AAAS: variants seen among roughly 807,000 people sequenced by gnomAD.
AAAS encodes the protein aladin WD repeat nucleoporin, also known as aladin.
Under a neutral mutation model 75.6 loss-of-function variants are expected in AAAS, and 60 were observed. That is an observed-to-expected ratio of 0.79 (90% confidence interval 0.64 to 0.98). The LOEUF (loss-of-function observed/expected upper bound fraction) is 0.98, where lower values mean the gene tolerates loss of function less well. Among genes scored for constraint, AAAS ranks in the 50% least tolerant of loss-of-function variants. The probability of loss-of-function intolerance (pLI) is 0.00; values close to 1 mark genes in which losing one functional copy is unlikely to be tolerated. For missense variants in AAAS, 658 were observed against 686.9 expected (o/e 0.96, Z 0.47); for synonymous variants, 271 against 265.0 (o/e 1.02, Z -0.22).
chr12:53,309,465 G>A, intron 8 of AAAS, 136 bp downstream of exon 8: 1 of 1,541,260 alleles, frequency 6.5e-7, no homozygotes. Flanking sequence ...GAGTCTGATG[G>A]CAAAGCTCCT....
Position 53,314,431 on chromosome 12 carries a change from G to A in AAAS, c.556C>T (p.Pro186Ser), listed in dbSNP as rs748222885. The A allele has an allele frequency of 1.2e-6, 2 of 1,614,078 alleles. No individual in the cohort carries two copies. Among genetic ancestry groups the A allele is most frequent in the Non-Finnish European group, 8.5e-7 (1 of 1,180,042 alleles). Residue 186 changes from proline (P) to serine (S), a missense_variant, in exon 7 of 16, where the codon CCC becomes TCC. Coordinates refer to ENST00000209873, the MANE Select transcript of AAAS (RefSeq NM_015665.6). ...RVYNASSTIV[P>S]SLKHRLQRNV... ...CGCTGCAGCCGGTGCTTCAGGGAGG[G>A]GACTATGGTGCTAGGGTGAAGGGGC...
At chr12:53,308,651 T>C in intron 11 of AAAS, 74 bp downstream of exon 11, 2 of 1,600,364 alleles carry the variant, frequency 1.2e-6, no homozygotes, top group Non-Finnish European at 1.7e-6. Flanking sequence ...CCTTTATCCC[T>C]CAGAGCTGCA....
Position 53,314,434 on chromosome 12 carries a change from C to A in AAAS, c.553G>T (p.Val185Phe), listed in dbSNP as rs1239921789. Residue 185 changes from valine (V) to phenylalanine (F), a missense_variant, in exon 7 of 16, where the codon GTC becomes TTC. Coordinates refer to ENST00000209873, the MANE Select transcript of AAAS (RefSeq NM_015665.6). ...TGCAGCCGGTGCTTCAGGGAGGGGA[C>A]TATGGTGCTAGGGTGAAGGGGCAGG... ...VRVYNASSTI[V>F]PSLKHRLQRN... The A allele has an allele frequency of 6.2e-7, 1 of 1,614,016 alleles. No individual in the cohort carries two copies. The highest frequency in any genetic ancestry group is 1.7e-5 in the Admixed American group (1 of 60,006).
intron 6 of AAAS, 91 bp downstream of exon 6, chr12:53,314,660 G>A (rs1944437344): frequency 1.4e-6 from 2 of 1,421,816 alleles, no homozygotes; most frequent in African/African-American, 1.4e-5. Flanking sequence ...CCATGAATCA[G>A]GTTCAAGAAC....
chr12:53,309,225 C>T lies in AAAS; in HGVS notation c.867G>A (p.Gly289=). The T allele has an allele frequency of 1.2e-6, 2 of 1,614,100 alleles. No individual in the cohort carries two copies. Among genetic ancestry groups the T allele is most frequent in the Non-Finnish European group, 1.7e-6 (2 of 1,180,008 alleles). The change falls in exon 9 of 16, where the codon GGG becomes GGA. Residue 289 remains glycine (G), a synonymous_variant. Coordinates refer to ENST00000209873, the MANE Select transcript of AAAS (RefSeq NM_015665.6). ...CVPLPWFRGG[G]VTNLLWSPDG... Reference sequence around the variant, plus strand: ...CTGGGGACCAGAGCAGGTTGGTCACCCCACCTCCTCGGAACCAGGGAAGGG... The same window carrying T: ...CTGGGGACCAGAGCAGGTTGGTCACTCCACCTCCTCGGAACCAGGGAAGGG...
At position 53,307,534 on chromosome 12, in the gene AAAS, T is replaced by C. The variant is rs1944304221; in HGVS notation, c.1596A>G (p.Pro532=). 6.2e-7 allele frequency: 1 copy of C among 1,614,120 alleles called. No individual in the cohort carries two copies. Among genetic ancestry groups the C allele is most frequent in the Non-Finnish European group, 8.5e-7 (1 of 1,179,978 alleles). The change falls in exon 16 of 16, where the codon CCA becomes CCG. Residue 532 remains proline (P), a synonymous_variant. Transcript: ENST00000209873. ...AGTGGGGCAGAACAGGTGGTGGCCC[T>C]GGGAGAGGGTCCCAAGGGGCAGAGG... is the stretch of plus-strand genomic sequence containing the variant. ...SPTSAPWDPL[P]GPPPVLPHSP... is the part of the protein sequence containing the mutation.
intron 2 of AAAS, 32 bp downstream of exon 2, chr12:53,320,521 GGATCTGCAGACT>G: frequency 6.2e-7 from 1 of 1,612,366 alleles, no homozygotes; most frequent in Non-Finnish European, 8.5e-7. Context: ...TCATTTTCCA[GGATCTGCAGACT>G]GTGACCCAGG....
chr12:53,320,687 G>A lies in AAAS; in HGVS notation c.129C>T (p.Ile43=), dbSNP rs200044280. 6.2e-7 allele frequency: 1 copy of A among 1,614,086 alleles called. No individual in the cohort carries two copies. Among genetic ancestry groups the A allele is most frequent in the Non-Finnish European group, 8.5e-7 (1 of 1,179,988 alleles). ...SPPPDFRGQW[I]NLPVLQLTKD... is the part of the protein sequence containing the mutation. ...TTGTCAGTTGTAGGACAGGAAGATT[G>A]ATCCACTATAGCACAAAAGTGAGGA... Residue 43 remains isoleucine, a synonymous_variant, in exon 2 of 16, where the codon ATC becomes ATT. Transcript: ENST00000209873.
Position 53,308,516 on chromosome 12 carries a change from C to A in AAAS, c.1100G>T (p.Gly367Val), listed in dbSNP as rs773339814. 3 of 1,614,170 alleles carry A rather than the reference C, an allele frequency of 1.9e-6. No individual in the cohort carries two copies. The highest frequency in any genetic ancestry group is 2.2e-5 in the South Asian group (2 of 91,076). Residue 367 changes from glycine (G) to valine (V), a missense_variant, in exon 12 of 16, where the codon GGG becomes GTG. By Grantham distance (109) the Gly-to-Val change is moderately radical (BLOSUM62 -3). Coordinates refer to ENST00000209873, the MANE Select transcript of AAAS (RefSeq NM_015665.6). ...TGCTGACTTTGCACCTCCAACGCAC[C>A]CCTTTCCCTCACCTGTGGACAAATA... Reference protein sequence around the residue: ...SFPERCGEGKGCVGGAKSATI... With the variant: ...SFPERCGEGKVCVGGAKSATI...
In AAAS at chr12:53,307,929, A is replaced by G; in HGVS notation, c.1332T>C (p.Cys444=). ...RNSPVFELLP[C]GIIQGEPGAQ... ...CTCCTGGCTCCCCCTGGATAATGCCACTAGAAGAAAAGGTGAGCAGGCAAC... is the reference window on the plus strand; with the variant it reads ...CTCCTGGCTCCCCCTGGATAATGCCGCTAGAAGAAAAGGTGAGCAGGCAAC... The change falls in exon 15 of 16, where the codon TGT becomes TGC. Residue 444 remains cysteine, a splice_region_variant and synonymous_variant. Coordinates refer to ENST00000209873, the MANE Select transcript of AAAS (RefSeq NM_015665.6). 1 of 1,614,198 alleles carries G rather than the reference A, an allele frequency of 6.2e-7. No homozygotes were observed. The highest frequency in any genetic ancestry group is 8.5e-7 in the Non-Finnish European group (1 of 1,180,030).
At chr12:53,307,800 T>C in intron 15 of AAAS, 45 bp downstream of exon 15, 2 of 1,613,118 alleles carry the variant, frequency 1.2e-6, no homozygotes, top group Non-Finnish European at 1.7e-6. Flanking sequence ...GGCCCTCAGC[T>C]TCTCCATCCA....
intron 8 of AAAS, 144 bp downstream of exon 8, chr12:53,309,457 G>T: frequency 6.5e-7 from 1 of 1,530,322 alleles, no homozygotes; most frequent in Non-Finnish European, 8.9e-7. Context: ...AACCTCACGA[G>T]TCTGATGGCA....
At chr12:53,321,219 G>T (rs1944548978) in intron 1 of AAAS, 124 bp downstream of exon 1, 1 of 1,466,576 alleles carries the variant, frequency 6.8e-7, no homozygotes, top group Non-Finnish European at 9.2e-7. Flanking sequence ...CCTCCTGCCG[G>T]GGCCAAGCTG....
intron 5 of AAAS, 95 bp from the exon 6 acceptor site, chr12:53,314,944 A>G: frequency 6.7e-7 from 1 of 1,494,190 alleles, no homozygotes; most frequent in Non-Finnish European, 9.3e-7. Context: ...GTTTTTTCCT[A>G]CTTTTTCTTG....
At chr12:53,315,013 AG>A (rs1944441190) in intron 5 of AAAS, 80 bp downstream of exon 5, 16 of 1,532,344 alleles carry the variant, frequency 1.0e-5, no homozygotes, top group Non-Finnish European at 1.4e-5. Context: ...GAAAAGGAGT[AG>A]GAGTCTTTGC....
chr12:53,316,764 C>CAAAAAAAAAAAAAA (rs34520642), intron 2 of AAAS, among the ~76,000 whole-genome samples: 6 of 77,194 alleles, frequency 7.8e-5, no homozygotes, highest in Admixed American at 1.7e-4. Flanking sequence ...CCATCTCAGA[C>CAAAAAAAAAAAAAA]AAAAAAAAAA....
chr12:53,309,019 C>G lies in AAAS; in HGVS notation c.937G>C (p.Val313Leu). The G allele has an allele frequency of 1.2e-6, 2 of 1,614,204 alleles. No homozygotes were observed. Among genetic ancestry groups the G allele is most frequent in the Non-Finnish European group, 1.7e-6 (2 of 1,180,036 alleles). Reference sequence around the variant, plus strand: ...CAAGTCCACATCTGGGCCTCCCAGACTCTGAGCCAGAGAAAAGCAAATTAC... The same window carrying G: ...CAAGTCCACATCTGGGCCTCCCAGAGTCTGAGCCAGAGAAAAGCAAATTAC... Reference protein sequence around the residue: ...LATTPSAVFRVWEAQMWTCER... With the variant: ...LATTPSAVFRLWEAQMWTCER... Residue 313 changes from valine to leucine, a missense_variant and splice_region_variant, in exon 10 of 16, where the codon GTC becomes CTC. By Grantham distance (32) the Val-to-Leu change is conservative. Coordinates refer to ENST00000209873, the MANE Select transcript of AAAS (RefSeq NM_015665.6).
chr12:53,309,216 G>A lies in AAAS; in HGVS notation c.876C>T (p.Asn292=), dbSNP rs755270528. ...LPWFRGGGVT[N]LLWSPDGSKI... ...TGCTGCCGTCTGGGGACCAGAGCAG[G>A]TTGGTCACCCCACCTCCTCGGAACC... Residue 292 remains asparagine, a synonymous_variant, in exon 9 of 16, where the codon AAC becomes AAT. Coordinates refer to ENST00000209873, the MANE Select transcript of AAAS (RefSeq NM_015665.6). 2 of 1,614,124 alleles carry A rather than the reference G, an allele frequency of 1.2e-6. No individual in the cohort carries two copies. The highest frequency in any genetic ancestry group is 1.1e-5 in the South Asian group (1 of 91,082).
In AAAS at chr12:53,314,755, T is replaced by C. The variant is rs762476700; in HGVS notation, c.541A>G (p.Ser181Gly). The C allele has an allele frequency of 6.2e-7, 1 of 1,613,500 alleles. No individual in the cohort carries two copies. Among genetic ancestry groups the C allele is most frequent in the East Asian group, 2.2e-5 (1 of 44,872 alleles). Residue 181 changes from serine to glycine, a missense_variant, in exon 6 of 16, where the codon AGC becomes GGC. Ser to Gly is a moderately conservative substitution (Grantham distance 56). Coordinates refer to ENST00000209873, the MANE Select transcript of AAAS (RefSeq NM_015665.6). ...LDDSVRVYNA[S>G]STIVPSLKHR... Reference sequence around the variant, plus strand: ...ACCTGGTGTCCCCACACACACCTGCTGGCATTATACACACGGACTGAGTCA... The same window carrying C: ...ACCTGGTGTCCCCACACACACCTGCCGGCATTATACACACGGACTGAGTCA...
Sources: allele counts gnomAD v4.1 joint callset (sites outside exome capture counted in the v4.1 genomes callset), GRCh38; gene constraint gnomAD v4.1.1; transcripts MANE v1.5; gene names NCBI Gene and HGNC (gene_info 2026-07-23, HGNC 2026-07-21).